UNC5D: variants seen among roughly 807,000 people sequenced by gnomAD.
The protein encoded by UNC5D is unc-5 netrin receptor D, also known as netrin receptor UNC5D.
UNC5D carries 39 observed loss-of-function variants against 105.4 expected under a neutral mutation model. The observed-to-expected ratio is 0.37, with a 90% CI of 0.29 to 0.48. The LOEUF (loss-of-function observed/expected upper bound fraction) is 0.48. Ranked by LOEUF, UNC5D falls within the 20% of genes least tolerant of loss-of-function variation. The pLI is 0.98. For synonymous variants in UNC5D, 452 were observed against 450.4 expected, an observed-to-expected ratio of 1.00 and a Z score of -0.04; for missense variants, 991 against 1,202.4, an observed-to-expected ratio of 0.82 and a Z score of 2.60.
chr8:35,311,327 T>C (rs199962496), intron 1 of UNC5D, among the ~76,000 whole-genome samples: 2 of 152,160 alleles, frequency 1.3e-5, no homozygotes, highest in African/African-American at 4.8e-5. Context: ...GATGTTTTTT[T>C]TCAGAGGAGC....
At chr8:35,547,072 A>G (rs200858658) in intron 1 of UNC5D, among the ~76,000 whole-genome samples, 3 of 115,606 alleles carry the variant, frequency 2.6e-5, no homozygotes, top group African/African-American at 1.0e-4. Context: ...ATTTAATGGG[A>G]AAAAAAATCT....
At chr8:35,613,085 G>A (rs1338349261) in intron 4 of UNC5D, among the ~76,000 whole-genome samples, 1 of 152,044 alleles carries the variant, frequency 6.6e-6, no homozygotes, top group Admixed American at 6.6e-5. Flanking sequence ...TGTGAGCTCT[G>A]TATTTTGCTT....
intron 1 of UNC5D, among the ~76,000 whole-genome samples, chr8:35,249,779 A>G (rs10087911): frequency 0.044 from 6,720 of 151,954 alleles, 173 homozygotes; most frequent in African/African-American, 0.06. Flanking sequence ...TTGCTGGAGA[A>G]GTGTTGAAAA....
In UNC5D at chr8:35,794,469, A is replaced by G. The variant is rs1328649883; in HGVS notation, c.*3906A>G. On this transcript the variant is annotated 3_prime_UTR_variant, in exon 17 of 17. Coordinates refer to ENST00000404895, the MANE Select transcript of UNC5D (RefSeq NM_080872.4). The stretch of plus-strand genomic sequence containing the variant: ...ATGGGAGAGCAAAATGTTGGCCTAC[A>G]GAGAATGACACAATTTTATTCGCCT... 6.6e-6 allele frequency: 1 copy of G among 152,596 alleles called. No individual in the cohort carries two copies. The highest frequency in any genetic ancestry group is 1.5e-5 in the Non-Finnish European group (1 of 68,034). The allele number at this position is 152,596 out of a possible 1,614,324, so 9.5% of individuals were successfully genotyped here.
chr8:35,279,275 G>C (rs1031412127), intron 1 of UNC5D, among the ~76,000 whole-genome samples: 1 of 152,106 alleles, frequency 6.6e-6, no homozygotes, highest in African/African-American at 2.4e-5. Flanking sequence ...GAAAGAAAAA[G>C]GTAAATAAAA....
intron 1 of UNC5D, among the ~76,000 whole-genome samples, chr8:35,401,477 C>T (rs1804460415): frequency 6.6e-6 from 1 of 152,116 alleles, no homozygotes; most frequent in Non-Finnish European, 1.5e-5. Flanking sequence ...GAGCAGGACT[C>T]CATCTCAAAA....
At chr8:35,535,887 A>G (rs1814799801) in intron 1 of UNC5D, among the ~76,000 whole-genome samples, 1 of 152,198 alleles carries the variant, frequency 6.6e-6, no homozygotes, top group African/African-American at 2.4e-5. Context: ...GCATGTAGCT[A>G]TTGAATGCAC....
intron 4 of UNC5D, among the ~76,000 whole-genome samples, chr8:35,663,943 A>G (rs1239473709): frequency 6.6e-6 from 1 of 152,182 alleles, no homozygotes; most frequent in African/African-American, 2.4e-5. Context: ...AGAACAGGCT[A>G]TTAGCAAATC....
intron 1 of UNC5D, among the ~76,000 whole-genome samples, chr8:35,304,782 A>G (rs1375486224): frequency 6.6e-6 from 1 of 152,132 alleles, no homozygotes; most frequent in African/African-American, 2.4e-5. Flanking sequence ...AGTGTGACCT[A>G]TTGGGTTTGC....
intron 1 of UNC5D, among the ~76,000 whole-genome samples, chr8:35,483,865 T>C (rs1242140829): frequency 6.6e-6 from 1 of 152,230 alleles, no homozygotes; most frequent in East Asian, 1.9e-4. Flanking sequence ...TTTTTTTCTT[T>C]AGGCAGTCAC....
chr8:35,522,685 C>A (rs1240685013), intron 1 of UNC5D, among the ~76,000 whole-genome samples: 2 of 152,190 alleles, frequency 1.3e-5, no homozygotes, highest in African/African-American at 4.8e-5. Context: ...TGAACCTAGA[C>A]AAATTATAAG....
chr8:35,692,791 C>T (rs1264940271), intron 7 of UNC5D, among the ~76,000 whole-genome samples: 1 of 152,174 alleles, frequency 6.6e-6, no homozygotes, highest in East Asian at 1.9e-4. Context: ...TCCTACTGCT[C>T]GCTAATTCTC....
chr8:35,615,688 T>C (rs1586257823), intron 4 of UNC5D, among the ~76,000 whole-genome samples: 1 of 152,274 alleles, frequency 6.6e-6, no homozygotes, highest in Middle Eastern at 3.4e-3. Context: ...CTCTTATATT[T>C]AATTTTTCAT....
intron 1 of UNC5D, among the ~76,000 whole-genome samples, chr8:35,490,029 A>G (rs1811100776): frequency 6.6e-6 from 1 of 152,222 alleles, no homozygotes; most frequent in South Asian, 2.1e-4. Context: ...CTTGATTTTT[A>G]TTTAAACATA....
chr8:35,766,324 CT>C (rs1488528398), intron 14 of UNC5D, among the ~76,000 whole-genome samples: 1 of 151,778 alleles, frequency 6.6e-6, no homozygotes, highest in African/African-American at 2.4e-5. Flanking sequence ...TCTCTCTTCC[CT>C]CCTTCCTCCC....
intron 1 of UNC5D, among the ~76,000 whole-genome samples, chr8:35,351,489 C>T (rs1341009977): frequency 6.6e-6 from 1 of 152,010 alleles, no homozygotes; most frequent in African/African-American, 2.4e-5. Flanking sequence ...TATGGAAAGG[C>T]GTACCATCAC....
chr8:35,366,391 A>G lies in UNC5D; in HGVS notation c.103+130504A>G, dbSNP rs200536874. On this transcript the variant is annotated intron_variant, in intron 1 of 16. Coordinates refer to ENST00000404895, the MANE Select transcript of UNC5D (RefSeq NM_080872.4). ...TCGCCCTCCACTCCAAACATAAGCC[A>G]CCTTATTTTGGCTAATTACACTCGG... is the stretch of plus-strand genomic sequence containing the variant. Among the ~76,000 whole-genome samples the G allele has an allele frequency of 2.6e-5, 4 of 152,132 alleles. No individual in the cohort carries two copies. In the East Asian group the frequency reaches 7.7e-4, roughly 29 times the overall value.
At chr8:35,582,944 G>T (rs1439180569) in intron 3 of UNC5D, among the ~76,000 whole-genome samples, 3 of 152,180 alleles carry the variant, frequency 2.0e-5, no homozygotes, top group Non-Finnish European at 2.9e-5. Context: ...CAACCATGGG[G>T]TTCATTTTGC....
chr8:35,453,259 T>C (rs1184268689), intron 1 of UNC5D, among the ~76,000 whole-genome samples: 1 of 152,120 alleles, frequency 6.6e-6, no homozygotes, highest in Admixed American at 6.6e-5. Flanking sequence ...TCCAGAGTTA[T>C]TTTTTTAGCC....
Sources: gnomAD v4.1 joint callset for allele counts (sites outside exome capture counted in the v4.1 genomes callset) on GRCh38, gnomAD v4.1.1 for gene constraint, MANE v1.5 for transcripts, NCBI Gene and HGNC (gene_info 2026-07-23, HGNC 2026-07-21) for gene names.